Variants in PPP1R9A observed in about 807,000 individuals in gnomAD.
PPP1R9A encodes protein phosphatase 1 regulatory subunit 9A, also known as neurabin-1.
A neutral mutation model predicts 141.9 loss-of-function variants in PPP1R9A; 59 were observed. The observed-to-expected ratio is 0.42, with a 90% CI of 0.34 to 0.52. PPP1R9A has a LOEUF of 0.52. Among genes scored for constraint, PPP1R9A ranks in the 20% least tolerant of loss-of-function variants. The pLI is 0.10. For synonymous variants in PPP1R9A, 500 were observed against 569.7 expected (o/e 0.88, Z 1.74); for missense variants, 1,444 against 1,611.9 (o/e 0.90, Z 1.78).
rs1801827877 is a variant in PPP1R9A, at chr7:95,269,503, A to G, written c.3120A>G (p.Glu1040=). The G allele has an allele frequency of 6.4e-7, 1 of 1,558,248 alleles. No individual in the cohort carries two copies. Among genetic ancestry groups the G allele is most frequent in the African/African-American group, 1.4e-5 (1 of 73,552 alleles). Residue 1040 remains glutamate, a synonymous_variant, in exon 14 of 20, where the codon GAA becomes GAG. Coordinates refer to ENST00000433360, the MANE Select transcript of PPP1R9A (RefSeq NM_001166160.2). ...HQTTNKKILR[E]KDDAKDPKSL... is the part of the protein sequence containing the mutation. ...CCACCAACAAGAAAATATTACGAGA[A>G]AAAGGTATTGTTAATTTCTTTTTCT...
chr7:95,198,722 A>G (rs965746822), intron 6 of PPP1R9A, among the ~76,000 whole-genome samples: 3 of 152,232 alleles, frequency 2.0e-5, no homozygotes, highest in African/African-American at 4.8e-5. Context: ...TATCTTTTGC[A>G]CTATTATAAA....
intron 2 of PPP1R9A, among the ~76,000 whole-genome samples, chr7:95,064,085 C>T (rs1221114325): frequency 6.6e-6 from 1 of 152,106 alleles, no homozygotes; most frequent in Non-Finnish European, 1.5e-5. Context: ...AACTGTAGTA[C>T]TGTTATTTGC....
intron 2 of PPP1R9A, among the ~76,000 whole-genome samples, chr7:95,039,532 T>A (rs1808918769): frequency 6.7e-6 from 1 of 149,418 alleles, no homozygotes; most frequent in Non-Finnish European, 1.5e-5. Context: ...TACTCCAGCC[T>A]GGGCGACAGA....
At chr7:95,226,197 GAATAATCAGT>G in intron 8 of PPP1R9A, 81 bp downstream of exon 8, 1 of 1,352,766 alleles carries the variant, frequency 7.4e-7, no homozygotes, top group Non-Finnish European at 9.9e-7. Flanking sequence ...AATATATTAA[GAATAATCAGT>G]TTGCAAATCA....
intron 4 of PPP1R9A, among the ~76,000 whole-genome samples, chr7:95,136,925 A>G (rs1825760335): frequency 2.0e-5 from 3 of 152,184 alleles, no homozygotes; most frequent in Admixed American, 1.3e-4. Context: ...GTATTCAGTG[A>G]TATAGAAGAG....
chr7:95,095,336 A>G (rs551358546), intron 2 of PPP1R9A, among the ~76,000 whole-genome samples: 1 of 152,332 alleles, frequency 6.6e-6, no homozygotes, highest in African/African-American at 2.4e-5. Flanking sequence ...CTATTAAAAG[A>G]TACATGAGGT....
intron 4 of PPP1R9A, among the ~76,000 whole-genome samples, chr7:95,161,303 T>C (rs1830433851): frequency 6.6e-6 from 1 of 152,228 alleles, no homozygotes; most frequent in Admixed American, 6.5e-5. Flanking sequence ...TTTATGTTTG[T>C]TGGTCATTTG....
At chr7:94,981,706 T>C (rs1011139539) in intron 2 of PPP1R9A, among the ~76,000 whole-genome samples, 25 of 152,284 alleles carry the variant, frequency 1.6e-4, no homozygotes, top group African/African-American at 6.0e-4. Context: ...TAATACAATT[T>C]TGTATTTCTT....
intron 14 of PPP1R9A, among the ~76,000 whole-genome samples, chr7:95,272,590 A>G (rs1023805395): frequency 1.3e-5 from 2 of 152,230 alleles, no homozygotes; most frequent in Admixed American, 1.3e-4. Context: ...ATCATTAACT[A>G]AAAATATGAA....
intron 8 of PPP1R9A, among the ~76,000 whole-genome samples, chr7:95,240,054 A>AT (rs1255975834): frequency 7.9e-5 from 12 of 151,784 alleles, no homozygotes; most frequent in African/African-American, 2.7e-4. Context: ...TATATTCTGA[A>AT]TTTTTTCTCA....
At chr7:94,958,964 A>G (rs1489375601) in intron 2 of PPP1R9A, among the ~76,000 whole-genome samples, 7 of 152,024 alleles carry the variant, frequency 4.6e-5, no homozygotes, top group African/African-American at 1.7e-4. Flanking sequence ...TAGAAAGTTA[A>G]TAGAAATAGT....
chr7:95,039,929 A>T (rs1319862862), intron 2 of PPP1R9A, among the ~76,000 whole-genome samples: 1 of 152,192 alleles, frequency 6.6e-6, no homozygotes, highest in African/African-American at 2.4e-5. Context: ...ACCAGGTAGC[A>T]TAAATATCAA....
intron 2 of PPP1R9A, among the ~76,000 whole-genome samples, chr7:95,016,569 C>T (rs1198516017): frequency 3.9e-5 from 6 of 151,930 alleles, no homozygotes; most frequent in African/African-American, 1.5e-4. Context: ...TAAAGTCAAT[C>T]AGTGTAATTA....
chr7:95,182,576 T>C (rs1219460690), intron 5 of PPP1R9A, among the ~76,000 whole-genome samples: 1 of 152,238 alleles, frequency 6.6e-6, no homozygotes, highest in Non-Finnish European at 1.5e-5. Context: ...GAATTTCACT[T>C]TTTATTAGAG....
chr7:95,289,231 A>G (rs2116037423), intron 19 of PPP1R9A, among the ~76,000 whole-genome samples: 1 of 152,132 alleles, frequency 6.6e-6, no homozygotes, highest in African/African-American at 2.4e-5. Flanking sequence ...TGTCCAGTCC[A>G]TCTCTCTTAG....
chr7:95,282,427 G>T (rs1431506887), intron 16 of PPP1R9A, among the ~76,000 whole-genome samples: 1 of 152,202 alleles, frequency 6.6e-6, no homozygotes, highest in Non-Finnish European at 1.5e-5. Context: ...ACATTTTAAG[G>T]AGGCTAAGTG....
intron 4 of PPP1R9A, among the ~76,000 whole-genome samples, chr7:95,135,531 A>G (rs1004058498): frequency 6.6e-6 from 1 of 152,104 alleles, no homozygotes; most frequent in Non-Finnish European, 1.5e-5. Flanking sequence ...TTGCCCATTA[A>G]GGCAATTATC....
intron 8 of PPP1R9A, among the ~76,000 whole-genome samples, chr7:95,229,602 C>T (rs544819248): frequency 2.3e-4 from 35 of 152,220 alleles, no homozygotes; most frequent in African/African-American, 7.7e-4. Flanking sequence ...TCCCCCACAG[C>T]AGCCATAGCA....
intron 2 of PPP1R9A, among the ~76,000 whole-genome samples, chr7:94,997,281 CT>C (rs892340110): frequency 5.3e-5 from 8 of 151,978 alleles, no homozygotes; most frequent in African/African-American, 1.9e-4. Context: ...GTTCTAGTCT[CT>C]TTTTTTCACC....
Sources: allele counts gnomAD v4.1 joint callset (sites outside exome capture counted in the v4.1 genomes callset), GRCh38; gene constraint gnomAD v4.1.1; transcripts MANE v1.5; gene names NCBI Gene and HGNC (gene_info 2026-07-23, HGNC 2026-07-21).